The following ME3 variants were observed in gnomAD, a reference collection of about 807,000 sequenced individuals.
ME3 encodes malic enzyme 3.
A neutral mutation model predicts 68.9 loss-of-function variants in ME3; 48 were observed. The observed-to-expected ratio is 0.70, with a 90% CI of 0.55 to 0.89. The LOEUF is 0.89. ME3 is among the 40% of genes least tolerant of loss of function. ME3 has a pLI of 0.00. For synonymous variants in ME3, 320 were observed against 318.8 expected, an observed-to-expected ratio of 1.00 and a Z score of -0.04; for missense variants, 675 against 797.4, an observed-to-expected ratio of 0.85 and a Z score of 1.85.
intron 4 of ME3, among the ~76,000 whole-genome samples, chr11:86,534,186 G>T (rs1245480032): frequency 6.6e-6 from 1 of 151,644 alleles, no homozygotes; most frequent in South Asian, 2.1e-4. Context: ...GGGTGAGTCA[G>T]TGAGAGATGA....
chr11:86,515,311 A>G (rs977039506), intron 4 of ME3, among the ~76,000 whole-genome samples: 1 of 152,160 alleles, frequency 6.6e-6, no homozygotes, highest in Non-Finnish European at 1.5e-5. Context: ...CCCTTTATGT[A>G]CATTGTCATA....
At chr11:86,438,821 G>A (rs551260868), downstream of ME3, among the ~76,000 whole-genome samples, 1 of 152,108 alleles carries the variant, frequency 6.6e-6, no homozygotes, top group East Asian at 1.9e-4. Context: ...GGGTACTCCA[G>A]AGAAACAGAA....
chr11:86,438,781 C>G (rs911965326), downstream of ME3, among the ~76,000 whole-genome samples: 1 of 151,524 alleles, frequency 6.6e-6, no homozygotes, highest in Non-Finnish European at 1.5e-5. Context: ...CTCTTTCTTT[C>G]TCTTCTGATA....
At chr11:86,625,256 G>GCACTCTGTAAC (rs1565232259) in intron 2 of ME3, among the ~76,000 whole-genome samples, 1 of 152,034 alleles carries the variant, frequency 6.6e-6, no homozygotes, top group Non-Finnish European at 1.5e-5. Context: ...AGCACCCTGA[G>GCACTCTGTAAC]TTTGGTGACC....
downstream of ME3, among the ~76,000 whole-genome samples, chr11:86,438,240 A>AT (rs932326454): frequency 4.6e-5 from 7 of 151,594 alleles, no homozygotes; most frequent in African/African-American, 1.7e-4. Context: ...TGATCATATG[A>AT]TTTTTTTGTC....
intron 5 of ME3, 86 bp downstream of exon 5, chr11:86,508,706 C>T (rs1008386555): frequency 2.3e-6 from 3 of 1,292,632 alleles, no homozygotes; most frequent in African/African-American, 2.9e-5. Flanking sequence ...GTCATAATGG[C>T]TCATTTTATA....
At chr11:86,641,821 T>C (rs1224914805) in intron 2 of ME3, among the ~76,000 whole-genome samples, 1 of 152,150 alleles carries the variant, frequency 6.6e-6, no homozygotes, top group Non-Finnish European at 1.5e-5. Flanking sequence ...TGTCAAAAAA[T>C]GAGAGCTGGC....
intron 5 of ME3, among the ~76,000 whole-genome samples, chr11:86,499,181 G>A (rs1952558515): frequency 6.6e-6 from 1 of 152,116 alleles, no homozygotes; most frequent in African/African-American, 2.4e-5. Flanking sequence ...AAAATCCAGG[G>A]TAGAGGTGCT....
At chr11:86,438,088 CATTAAATATG>C (rs1377138468), downstream of ME3, among the ~76,000 whole-genome samples, 1 of 152,124 alleles carries the variant, frequency 6.6e-6, no homozygotes, top group Non-Finnish European at 1.5e-5. Context: ...ATTCTTTTAC[CATTAAATATG>C]ATGTTATCTT....
intron 1 of ME3, 150 bp from the exon 2 acceptor site, chr11:86,672,108 C>T (rs1294305193): frequency 1.5e-6 from 1 of 649,570 alleles, no homozygotes; most frequent in African/African-American, 1.9e-5. Flanking sequence ...CCCGCCACTC[C>T]TCGGCTGCCA....
chr11:86,584,564 A>G (rs572726887), intron 2 of ME3, among the ~76,000 whole-genome samples: 31 of 152,374 alleles, frequency 2.0e-4, no homozygotes, highest in Middle Eastern at 3.4e-3. Context: ...CTTGACAGAT[A>G]AATGGAGGAT....
chr11:86,505,277 C>T (rs1170990927), intron 5 of ME3, among the ~76,000 whole-genome samples: 4 of 150,922 alleles, frequency 2.7e-5, no homozygotes, highest in Non-Finnish European at 5.9e-5. Flanking sequence ...GAGGAACCTC[C>T]AGAAAAAGGC....
intron 4 of ME3, among the ~76,000 whole-genome samples, chr11:86,513,625 A>G: frequency 6.6e-6 from 1 of 152,158 alleles, no homozygotes; most frequent in African/African-American, 2.4e-5. Flanking sequence ...ATTGTACCAA[A>G]CAGAAATGCA....
At chr11:86,596,747 A>C (rs972302116) in intron 2 of ME3, among the ~76,000 whole-genome samples, 12 of 152,246 alleles carry the variant, frequency 7.9e-5, no homozygotes, top group African/African-American at 2.7e-4. Context: ...CATGTAGGTA[A>C]GAAGTTGCAA....
chr11:86,446,588 C>G (rs1949312785), intron 12 of ME3, 101 bp from the exon 13 acceptor site: 22 of 1,138,352 alleles, frequency 1.9e-5, no homozygotes, highest in Non-Finnish European at 2.8e-5. Context: ...TCTTCATCCT[C>G]TCCCAAACGC....
intron 5 of ME3, among the ~76,000 whole-genome samples, chr11:86,498,876 A>G (rs577572303): frequency 3.3e-5 from 5 of 152,356 alleles, no homozygotes; most frequent in South Asian, 4.1e-4. Context: ...CCTACTTTGC[A>G]TAAGACACTG....
intron 5 of ME3, among the ~76,000 whole-genome samples, chr11:86,499,922 C>A (rs753550911): frequency 8.5e-5 from 13 of 152,202 alleles, no homozygotes; most frequent in Non-Finnish European, 1.9e-4. Flanking sequence ...GTTTCCACAT[C>A]AGTTATCTTA....
intron 6 of ME3, among the ~76,000 whole-genome samples, chr11:86,496,686 G>A (rs917383835): frequency 6.6e-6 from 1 of 152,124 alleles, no homozygotes; most frequent in African/African-American, 2.4e-5. Context: ...TATTTTAAAA[G>A]ACTAGAAACA....
chr11:86,530,921 T>C (rs1156725678), intron 4 of ME3, among the ~76,000 whole-genome samples: 1 of 152,076 alleles, frequency 6.6e-6, no homozygotes, highest in Non-Finnish European at 1.5e-5. Context: ...GGCATACCAT[T>C]CAGGACATAG....
Sources: gnomAD v4.1 joint callset for allele counts (sites outside exome capture counted in the v4.1 genomes callset) on GRCh38, gnomAD v4.1.1 for gene constraint, MANE v1.5 for transcripts, NCBI Gene and HGNC (gene_info 2026-07-23, HGNC 2026-07-21) for gene names.